The following NOL4 variants were observed in gnomAD, a reference collection of about 807,000 sequenced individuals.
The protein encoded by NOL4 is nucleolar protein 4, also known as cancer/testis antigen 125.
In NOL4, 17 loss-of-function variants were observed where a neutral mutation model predicts 75.9. The ratio of observed to expected loss-of-function variants is 0.22; its 90% CI spans 0.15 to 0.34. The LOEUF is 0.34. Ranked by LOEUF, NOL4 falls within the 10% of genes least tolerant of loss-of-function variation. The pLI is 1.00. For missense variants in NOL4, 614 were observed against 793.5 expected, an observed-to-expected ratio of 0.77 and a Z score of 2.72; for synonymous variants, 292 against 289.9, an observed-to-expected ratio of 1.01 and a Z score of -0.07.
intron 9 of NOL4, among the ~76,000 whole-genome samples, chr18:33,916,067 G>A (rs2066704375): frequency 1.3e-5 from 2 of 152,156 alleles, no homozygotes; most frequent in Non-Finnish European, 2.9e-5. Context: ...ACAACACTAA[G>A]TGACTGAAGG....
At chr18:33,857,867 T>C (rs2062908776) in intron 10 of NOL4, among the ~76,000 whole-genome samples, 1 of 152,144 alleles carries the variant, frequency 6.6e-6, no homozygotes, top group Non-Finnish European at 1.5e-5. Context: ...TAACCCTCTT[T>C]GTGCTTCACA....
intron 5 of NOL4, chr18:34,023,314 C>T (rs2075147910): frequency 2.4e-6 from 1 of 414,376 alleles, no homozygotes; most frequent in Non-Finnish European, 5.0e-6. Flanking sequence ...ATCATGTTAA[C>T]CATTTTTATT....
intron 9 of NOL4, among the ~76,000 whole-genome samples, chr18:33,899,680 G>T (rs1195681711): frequency 6.6e-6 from 1 of 152,284 alleles, no homozygotes; most frequent in Admixed American, 6.5e-5. Context: ...AGCAGGACAA[G>T]TTGCTCTGGT....
At chr18:33,892,196 G>A (rs1208176429) in intron 9 of NOL4, among the ~76,000 whole-genome samples, 1 of 152,058 alleles carries the variant, frequency 6.6e-6, no homozygotes. Context: ...TTGGGAGGCT[G>A]AGGTGGAAGA....
chr18:34,047,063 T>C (rs1277240179), intron 5 of NOL4, among the ~76,000 whole-genome samples: 2 of 152,068 alleles, frequency 1.3e-5, no homozygotes, highest in African/African-American at 4.8e-5. Context: ...GTATAACCCT[T>C]CTAGTTTTGT....
chr18:34,209,851 G>T (rs967780621), intron 1 of NOL4, among the ~76,000 whole-genome samples: 3 of 152,156 alleles, frequency 2.0e-5, no homozygotes, highest in Non-Finnish European at 4.4e-5. Flanking sequence ...GTATTTAAGG[G>T]TTCTCAGGCT....
At chr18:34,072,256 A>G (rs1359483414) in intron 5 of NOL4, among the ~76,000 whole-genome samples, 1 of 152,086 alleles carries the variant, frequency 6.6e-6, no homozygotes, top group East Asian at 1.9e-4. Context: ...AGATAAAATG[A>G]CAGACAAAGG....
At chr18:33,955,798 T>C (rs2069598899) in intron 8 of NOL4, among the ~76,000 whole-genome samples, 1 of 152,110 alleles carries the variant, frequency 6.6e-6, no homozygotes, top group Non-Finnish European at 1.5e-5. Flanking sequence ...GAGATTTATT[T>C]CTACAAGGGA....
At chr18:34,156,738 T>A (rs1568402229) in intron 1 of NOL4, 1 of 152,536 alleles carries the variant, frequency 6.6e-6, no homozygotes, top group Non-Finnish European at 1.5e-5. Context: ...ACTTCCAAAC[T>A]GTCACCATTC....
intron 5 of NOL4, among the ~76,000 whole-genome samples, chr18:34,070,962 C>A (rs2077488470): frequency 6.6e-6 from 1 of 151,958 alleles, no homozygotes; most frequent in Non-Finnish European, 1.5e-5. Flanking sequence ...AAAATTCTTA[C>A]ATTAAAATAA....
intron 1 of NOL4, among the ~76,000 whole-genome samples, chr18:34,138,054 C>T (rs911930114): frequency 2.0e-5 from 3 of 152,042 alleles, no homozygotes; most frequent in African/African-American, 7.2e-5. Flanking sequence ...AGAGGCCAGA[C>T]ATAAAAGACC....
At position 33,919,209 on chromosome 18, in the gene NOL4, C is replaced by T. The variant is rs79553311; in HGVS notation, c.1542+23856G>A. ...GTTGCCATTGCTATAGCACAGCTCC[C>T]GGCACTCTTAAGTTGATCTAAAAGC... is the stretch of plus-strand genomic sequence containing the variant. On this transcript the variant is annotated intron_variant, in intron 9 of 10. Coordinates refer to ENST00000261592, the MANE Select transcript of NOL4 (RefSeq NM_003787.5). 7.3e-3 allele frequency among the ~76,000 whole-genome samples: 1,106 copies of T among 152,160 alleles called. 12 individuals carry two copies. Among genetic ancestry groups the T allele is most frequent in the Non-Finnish European group, 0.011 (781 of 67,992 alleles).
intron 10 of NOL4, among the ~76,000 whole-genome samples, chr18:33,859,697 T>A (rs1217963455): frequency 6.6e-6 from 1 of 152,142 alleles, no homozygotes; most frequent in African/African-American, 2.4e-5. Context: ...GGTGGGTGGA[T>A]CACTTGTGGT....
chr18:33,982,081 T>A (rs1032093080), intron 6 of NOL4, among the ~76,000 whole-genome samples: 4 of 151,896 alleles, frequency 2.6e-5, no homozygotes, highest in African/African-American at 9.7e-5. Flanking sequence ...GGAGAGAACA[T>A]GGAACCACAT....
chr18:33,977,132 T>C (rs1277820173), intron 6 of NOL4, among the ~76,000 whole-genome samples: 1 of 152,156 alleles, frequency 6.6e-6, no homozygotes, highest in Non-Finnish European at 1.5e-5. Flanking sequence ...GAACAGTACT[T>C]AGTACTTTAC....
chr18:33,967,410 C>T (rs1421382572), intron 6 of NOL4, among the ~76,000 whole-genome samples: 2 of 152,054 alleles, frequency 1.3e-5, no homozygotes, highest in Non-Finnish European at 2.9e-5. Context: ...TCATCTTTGG[C>T]AAGTAATTTA....
At chr18:34,189,076 A>G (rs566787630) in intron 1 of NOL4, among the ~76,000 whole-genome samples, 1 of 152,242 alleles carries the variant, frequency 6.6e-6, no homozygotes, top group South Asian at 2.1e-4. Context: ...GTAATTTATA[A>G]AGCAAAGAGG....
intron 2 of NOL4, among the ~76,000 whole-genome samples, chr18:34,129,304 C>A (rs1026156307): frequency 4.6e-5 from 7 of 151,690 alleles, no homozygotes; most frequent in African/African-American, 1.7e-4. Flanking sequence ...CTTTCAAGGG[C>A]ATTAGATCTA....
chr18:34,107,980 A>G (rs2079390855), intron 2 of NOL4, among the ~76,000 whole-genome samples: 1 of 152,180 alleles, frequency 6.6e-6, no homozygotes, highest in South Asian at 2.1e-4. Context: ...CCTCAAACCC[A>G]TGCAGCACAA....
Sources: gnomAD v4.1 joint callset for allele counts (sites outside exome capture counted in the v4.1 genomes callset) on GRCh38, gnomAD v4.1.1 for gene constraint, MANE v1.5 for transcripts, NCBI Gene and HGNC (gene_info 2026-07-23, HGNC 2026-07-21) for gene names.